Variants in CNIH3 observed in about 807,000 individuals in gnomAD.
The protein encoded by CNIH3 is cornichon family AMPA receptor auxiliary protein 3.
A neutral mutation model predicts 24.1 loss-of-function variants in CNIH3; 14 were observed. That is an observed-to-expected ratio of 0.58 (90% CI 0.38 to 0.91). CNIH3 has a LOEUF of 0.91. Among genes scored for constraint, CNIH3 ranks in the 40% least tolerant of loss-of-function variants. The pLI, the probability that CNIH3 is intolerant of heterozygous loss-of-function variation, is 0.00. For missense variants in CNIH3, 178 were observed against 196.8 expected, an observed-to-expected ratio of 0.90 and a Z score of 0.57; for synonymous variants, 68 against 73.8, an observed-to-expected ratio of 0.92 and a Z score of 0.40.
At chr1:224,675,691 A>G (rs1311894641) in intron 1 of CNIH3, among the ~76,000 whole-genome samples, 1 of 152,240 alleles carries the variant, frequency 6.6e-6, no homozygotes, top group Non-Finnish European at 1.5e-5. Flanking sequence ...ATCAAAAAAG[A>G]TGTACAGATG....
rs535914468 is a variant in CNIH3, at chr1:224,604,510, C to A, written n.402+38246C>A. Among the ~76,000 whole-genome samples the A allele has an allele frequency of 2.6e-5, 4 of 152,248 alleles. No individual in the cohort carries two copies. In the South Asian group the frequency reaches 8.3e-4, roughly 32 times the overall value. On this transcript the variant is annotated intron_variant and non_coding_transcript_variant, in intron 3 of 7. Transcript: ENST00000478120. This position sits in a 1 kb window ranked among gnomAD's most constrained non-coding sequence, Gnocchi z 4.4. ...TGAGATGGAGCCTCTGAAGAAGGGA[C>A]CCCTACGCCGCTTTGTGCCAGTGAC...
At chr1:224,554,282 T>C (rs911702019) in intron 3 of CNIH3, among the ~76,000 whole-genome samples, 1 of 152,104 alleles carries the variant, frequency 6.6e-6, no homozygotes, top group African/African-American at 2.4e-5. Flanking sequence ...GACATAAAAA[T>C]GGATTACACA....
At chr1:224,451,024 T>A (rs1182724529) in intron 1 of CNIH3, among the ~76,000 whole-genome samples, 2 of 152,246 alleles carry the variant, frequency 1.3e-5, no homozygotes, top group East Asian at 3.8e-4. Context: ...ATTTTCTATT[T>A]CCTTTCTGTG....
At chr1:224,724,632 G>C (rs1688922119) in intron 3 of CNIH3, among the ~76,000 whole-genome samples, 1 of 152,122 alleles carries the variant, frequency 6.6e-6, no homozygotes, top group Non-Finnish European at 1.5e-5. Flanking sequence ...TTTGGCTCCT[G>C]GGGCAAATAA....
chr1:224,574,694 C>A, intron 4 of CNIH3: 3 of 1,163,002 alleles, frequency 2.6e-6, no homozygotes, highest in Non-Finnish European at 2.6e-6. Flanking sequence ...ATGAGAAGGG[C>A]CTGGTGAAAG....
chr1:224,688,090 C>T lies in CNIH3; in HGVS notation c.198+3247C>T, dbSNP rs924418328. Among the ~76,000 whole-genome samples, 203 of 152,130 alleles carry T rather than the reference C, an allele frequency of 1.3e-3. 1 individual carries two copies. The highest frequency in any genetic ancestry group is 4.8e-3 in the African/African-American group (198 of 41,490). ...AGATGTTAGGACCTTGTGACAGAGG[C>T]GATGGGACTAAGCAGTAAGCGGCTA... On this transcript the variant is annotated intron_variant, in intron 3 of 5. Coordinates refer to ENST00000272133, the MANE Select transcript of CNIH3 (RefSeq NM_152495.2).
At chr1:224,558,091 A>G (rs1499295) in intron 3 of CNIH3, among the ~76,000 whole-genome samples, 141,237 of 152,274 alleles carry the variant, frequency 0.93, 65,604 homozygotes, top group African/African-American at 0.98. Flanking sequence ...CTCAGCTGGG[A>G]AGTTCTTCTG....
chr1:224,511,316 C>A (rs1415503724), upstream of CNIH3, among the ~76,000 whole-genome samples: 2 of 152,158 alleles, frequency 1.3e-5, no homozygotes, highest in Admixed American at 6.5e-5. Flanking sequence ...GTAAAATACT[C>A]CTCTATCTTT....
intron 1 of CNIH3, among the ~76,000 whole-genome samples, chr1:224,447,029 T>A (rs1200750985): frequency 1.3e-5 from 2 of 152,008 alleles, no homozygotes; most frequent in African/African-American, 4.8e-5. Flanking sequence ...TAAAGAACTT[T>A]TAGGAATTGT....
intron 1 of CNIH3, among the ~76,000 whole-genome samples, chr1:224,450,927 A>G (rs1374548071): frequency 6.6e-6 from 1 of 152,218 alleles, no homozygotes; most frequent in Non-Finnish European, 1.5e-5. Context: ...GAATGTGAAC[A>G]CTTTTATTTG....
At chr1:224,610,513 C>G (rs551533744) in intron 3 of CNIH3, among the ~76,000 whole-genome samples, 1 of 152,154 alleles carries the variant, frequency 6.6e-6, no homozygotes, top group African/African-American at 2.4e-5. Context: ...CTTGCTTCCC[C>G]GTTGCCTTCT....
chr1:224,472,720 A>G (rs369343529), intron 1 of CNIH3, among the ~76,000 whole-genome samples: 6 of 152,336 alleles, frequency 3.9e-5, no homozygotes, highest in East Asian at 1.9e-4. Flanking sequence ...CCACAATCTC[A>G]GAAATCACCA....
chr1:224,648,280 G>A lies in CNIH3; in HGVS notation c.81+31025G>A, dbSNP rs546794350. On this transcript the variant is annotated intron_variant, in intron 1 of 5. Transcript: ENST00000272133. ...ACAAAAATTAGCTGGGTGTGGTGGC[G>A]GGTACCTGTAATCCCAGCTACTAGG... 2.6e-5 allele frequency among the ~76,000 whole-genome samples: 4 copies of A among 152,024 alleles called. 1 individual carries two copies. Among genetic ancestry groups the A allele is most frequent in the South Asian group, 4.2e-4 (2 of 4,808 alleles).
chr1:224,575,160 C>T, intron 4 of CNIH3: 2 of 1,018,868 alleles, frequency 2.0e-6, no homozygotes, highest in South Asian at 2.5e-5. Flanking sequence ...CACAGCCAAA[C>T]ACAATAAAAC....
At chr1:224,601,166 G>A (rs1682191641) in intron 3 of CNIH3, among the ~76,000 whole-genome samples, 1 of 152,168 alleles carries the variant, frequency 6.6e-6, no homozygotes, top group Non-Finnish European at 1.5e-5. Flanking sequence ...TTTGACCTTT[G>A]ACTTGGGGTT....
At chr1:224,653,438 A>G (rs1684956109) in intron 1 of CNIH3, among the ~76,000 whole-genome samples, 1 of 151,554 alleles carries the variant, frequency 6.6e-6, no homozygotes, top group Non-Finnish European at 1.5e-5. Flanking sequence ...AAAAAAAAAA[A>G]GTGACTGTAG....
chr1:224,662,116 A>G (rs1558265966), intron 1 of CNIH3, among the ~76,000 whole-genome samples: 2 of 152,242 alleles, frequency 1.3e-5, no homozygotes, highest in Non-Finnish European at 2.9e-5. Flanking sequence ...ATTTTTTTAC[A>G]AAAACATGTT....
chr1:224,565,234 T>G (rs574966250), intron 3 of CNIH3: 1 of 152,324 alleles, frequency 6.6e-6, no homozygotes, highest in East Asian at 1.9e-4. Flanking sequence ...AAAAGTCTTA[T>G]AGTTATGGTT....
At chr1:224,656,102 T>C (rs1031223011) in intron 1 of CNIH3, among the ~76,000 whole-genome samples, 6 of 152,192 alleles carry the variant, frequency 3.9e-5, no homozygotes, top group African/African-American at 1.4e-4. Flanking sequence ...TCCCTCCCCT[T>C]TCTATTGATC....
Sources: gnomAD v4.1 joint callset for allele counts (sites outside exome capture counted in the v4.1 genomes callset) on GRCh38, gnomAD v4.1.1 for gene constraint, Gnocchi (gnomAD v3.1) non-coding constraint, MANE v1.5 for transcripts, NCBI Gene and HGNC (gene_info 2026-07-23, HGNC 2026-07-21) for gene names.